GLYATL2: variants seen among roughly 807,000 people sequenced by gnomAD.
The protein encoded by GLYATL2 is glycine N-acyltransferase-like protein 2.
GLYATL2 carries 25 observed loss-of-function variants against 21.4 expected under a neutral mutation model. The ratio of observed to expected loss-of-function variants is 1.17; its 90% CI spans 0.85 to 1.63. GLYATL2 has a LOEUF of 1.63. Among genes scored for constraint, GLYATL2 ranks in the 40% most tolerant of loss-of-function variants. The pLI is 0.00. For synonymous variants in GLYATL2, 114 were observed against 118.2 expected (o/e 0.96, Z 0.23); for missense variants, 361 against 343.3 (o/e 1.05, Z -0.41).
chr11:58,876,163 G>A (rs1351812470), intron 1 of GLYATL2, among the ~76,000 whole-genome samples: 1 of 152,110 alleles, frequency 6.6e-6, no homozygotes, highest in African/African-American at 2.4e-5. Context: ...GGACTTCTCT[G>A]CATTGGTTAT....
chr11:58,872,382 TC>T (rs1486393284), intron 1 of GLYATL2, among the ~76,000 whole-genome samples: 2 of 152,246 alleles, frequency 1.3e-5, no homozygotes, highest in Non-Finnish European at 2.9e-5. Context: ...TGAATGGTAT[TC>T]CCTAGGTTTT....
At chr11:58,879,927 C>T (rs1206529018) in intron 1 of GLYATL2, among the ~76,000 whole-genome samples, 5 of 149,508 alleles carry the variant, frequency 3.3e-5, no homozygotes, top group South Asian at 2.1e-4. Context: ...GGCGCGATCT[C>T]GGCTCACTGC....
intron 1 of GLYATL2, among the ~76,000 whole-genome samples, chr11:58,874,714 T>C (rs1356158561): frequency 6.6e-6 from 1 of 152,232 alleles, no homozygotes; most frequent in African/African-American, 2.4e-5. Context: ...TCCAACTATG[T>C]GGTCAATTTT....
intron 1 of GLYATL2, chr11:58,884,763 T>C (rs1854406018): frequency 6.4e-6 from 1 of 156,696 alleles, no homozygotes; most frequent in Non-Finnish European, 1.5e-5. Flanking sequence ...ATTTACTTAA[T>C]CTCTCTGAGA....
intron 1 of GLYATL2, among the ~76,000 whole-genome samples, chr11:58,866,197 C>T (rs1222461111): frequency 6.7e-6 from 1 of 148,956 alleles, no homozygotes; most frequent in Admixed American, 6.9e-5. Flanking sequence ...CAAGATTCCA[C>T]TTTGGTGTCA....
rs769491463 is a variant in GLYATL2 at position 58,868,078 on chromosome 11, C to T, written n.61-29710G>A. Among the ~76,000 whole-genome samples, 36 of 148,690 alleles carry T rather than the reference C, an allele frequency of 2.4e-4. 5 individuals are homozygous for T. The highest frequency in any genetic ancestry group is 1.6e-4 in the Non-Finnish European group (11 of 67,056). ...GCAGCCCTACAGATGGGAGAGGAGC[C>T]TACAGATGGGAGAGGAAGCCATTCT... On this transcript the variant is annotated intron_variant and non_coding_transcript_variant, in intron 1 of 4. Transcript: ENST00000533636.
intron 1 of GLYATL2, among the ~76,000 whole-genome samples, chr11:58,901,628 A>C (rs1307248023): frequency 6.6e-6 from 1 of 151,808 alleles, no homozygotes; most frequent in Non-Finnish European, 1.5e-5. Flanking sequence ...TCCCTGCAAG[A>C]TCCTAAGAAA....
chr11:58,890,517 T>C (rs1457812234), intron 1 of GLYATL2, among the ~76,000 whole-genome samples: 2 of 152,168 alleles, frequency 1.3e-5, no homozygotes, highest in African/African-American at 4.8e-5. Flanking sequence ...ATATTGTTCT[T>C]TGTAGCAATA....
At chr11:58,853,861 G>A (rs1296226776) in intron 1 of GLYATL2, among the ~76,000 whole-genome samples, 1 of 152,072 alleles carries the variant, frequency 6.6e-6, no homozygotes, top group Non-Finnish European at 1.5e-5. Flanking sequence ...TCATAAAATA[G>A]TATATTTAAG....
upstream of GLYATL2, among the ~76,000 whole-genome samples, chr11:58,906,588 A>G (rs989735082): frequency 6.6e-6 from 1 of 152,178 alleles, no homozygotes; most frequent in Non-Finnish European, 1.5e-5. Context: ...TGGCAGTCTC[A>G]TTCTTTCTGT....
intron 1 of GLYATL2, among the ~76,000 whole-genome samples, chr11:58,876,967 C>T (rs1284643271): frequency 7.2e-5 from 11 of 152,262 alleles, no homozygotes; most frequent in Non-Finnish European, 5.9e-5. Context: ...ACTTTGTTTA[C>T]CTACTCAAGT....
At chr11:58,838,439 A>G (rs1465361496) in intron 2 of GLYATL2, 71 bp from the exon 3 acceptor site, 8 of 974,466 alleles carry the variant, frequency 8.2e-6, no homozygotes, top group Non-Finnish European at 1.3e-5. Context: ...ATGTGGAGAA[A>G]TAAGACATGA....
upstream of GLYATL2, among the ~76,000 whole-genome samples, chr11:58,909,051 T>C (rs1854977001): frequency 6.6e-6 from 1 of 152,206 alleles, no homozygotes; most frequent in African/African-American, 2.4e-5. Context: ...ACCCACACTA[T>C]TTTGTTCAAA....
At chr11:58,884,463 T>C (rs1854400302) in intron 1 of GLYATL2, among the ~76,000 whole-genome samples, 1 of 152,164 alleles carries the variant, frequency 6.6e-6, no homozygotes, top group Non-Finnish European at 1.5e-5. Context: ...CCATTCACAA[T>C]TGCTTCAAAG....
At chr11:58,865,133 C>G (rs1854002215) in intron 1 of GLYATL2, among the ~76,000 whole-genome samples, 1 of 106,150 alleles carries the variant, frequency 9.4e-6, no homozygotes. Context: ...AGTCATACCA[C>G]AATAAAGTAG....
At chr11:58,870,030 C>A (rs1286034551) in intron 1 of GLYATL2, among the ~76,000 whole-genome samples, 7 of 152,026 alleles carry the variant, frequency 4.6e-5, no homozygotes, top group Non-Finnish European at 4.4e-5. Flanking sequence ...ATTGCTTGAG[C>A]CTGAAAGGTC....
At chr11:58,852,315 T>C (rs1279692867) in intron 1 of GLYATL2, among the ~76,000 whole-genome samples, 2 of 152,192 alleles carry the variant, frequency 1.3e-5, no homozygotes, top group African/African-American at 2.4e-5. Flanking sequence ...GAATTTGCTA[T>C]TACCAGGAAA....
At chr11:58,877,969 G>A (rs1223325280) in intron 1 of GLYATL2, among the ~76,000 whole-genome samples, 6 of 152,194 alleles carry the variant, frequency 3.9e-5, no homozygotes, top group Non-Finnish European at 8.8e-5. Flanking sequence ...ATACTTGAAT[G>A]TTGGCCAATC....
chr11:58,858,349 C>T (rs1478663352), intron 1 of GLYATL2, among the ~76,000 whole-genome samples: 1 of 152,158 alleles, frequency 6.6e-6, no homozygotes, highest in African/African-American at 2.4e-5. Flanking sequence ...TGGTCTCACT[C>T]CCAACTGATG....
Sources: gnomAD v4.1 joint callset for allele counts (sites outside exome capture counted in the v4.1 genomes callset) on GRCh38, gnomAD v4.1.1 for gene constraint, MANE v1.5 for transcripts, NCBI Gene and HGNC (gene_info 2026-07-23, HGNC 2026-07-21) for gene names.